The following MAST2 variants were observed in gnomAD, a reference collection of about 807,000 sequenced individuals.
MAST2 encodes the protein microtubule-associated serine/threonine-protein kinase 2.
In MAST2, 70 loss-of-function variants were observed where a neutral mutation model predicts 147.4. The observed-to-expected ratio is 0.47, with a 90% CI of 0.39 to 0.58. The LOEUF (loss-of-function observed/expected upper bound fraction) is 0.58, where lower values mean the gene tolerates loss of function less well. Ranked by LOEUF, MAST2 falls within the 20% of genes least tolerant of loss-of-function variation. The pLI is 0.00. For missense variants in MAST2, 2,080 were observed against 2,302.3 expected (o/e 0.90, Z 1.98); for synonymous variants, 869 against 896.8 (o/e 0.97, Z 0.55).
At chr1:45,989,476 G>A (rs1453437825) in intron 5 of MAST2, among the ~76,000 whole-genome samples, 2 of 152,010 alleles carry the variant, frequency 1.3e-5, no homozygotes, top group Non-Finnish European at 2.9e-5. Context: ...CAGTGATGTT[G>A]TTTCATACAT....
chr1:45,850,369 A>G (rs1645585736), intron 3 of MAST2, among the ~76,000 whole-genome samples: 1 of 152,188 alleles, frequency 6.6e-6, no homozygotes, highest in South Asian at 2.1e-4. Flanking sequence ...CATAGTTTGC[A>G]AATATTTTCT....
intron 7 of MAST2, 74 bp from the exon 8 acceptor site, chr1:46,006,165 ATT>A: frequency 7.0e-7 from 1 of 1,433,304 alleles, no homozygotes; most frequent in South Asian, 1.4e-5. Context: ...TTCCCTGACC[ATT>A]TTCAGTCCTT....
Position 46,030,211 on chromosome 1 carries a change from C to T in MAST2, c.2526C>T (p.Phe842=). 1 of 1,614,212 alleles carries T rather than the reference C, an allele frequency of 6.2e-7. No homozygotes were observed. The highest frequency in any genetic ancestry group is 8.5e-7 in the Non-Finnish European group (1 of 1,180,034). ...SEDGCLEIRQ[F]SSCSPRFNKV... The stretch of plus-strand genomic sequence containing the variant: ...ATGGCTGCCTTGAGATCCGCCAGTT[C>T]TCTTCCTGCTCTCCAAGGTTCAACA... Residue 842 remains phenylalanine (F), a synonymous_variant, in exon 21 of 29, where the codon TTC becomes TTT. Coordinates refer to ENST00000361297, the MANE Select transcript of MAST2 (RefSeq NM_015112.3).
intron 4 of MAST2, among the ~76,000 whole-genome samples, chr1:45,947,158 C>T (rs536817595): frequency 9.2e-5 from 14 of 152,126 alleles, no homozygotes; most frequent in South Asian, 6.2e-4. Flanking sequence ...TAATAATAGT[C>T]GCTGCTTCAT....
chr1:45,837,617 T>G (rs1172146163), intron 3 of MAST2, among the ~76,000 whole-genome samples: 1 of 152,178 alleles, frequency 6.6e-6, no homozygotes, highest in Non-Finnish European at 1.5e-5. Context: ...GGAATATGCT[T>G]TATTTCTCTC....
rs188179980 is a variant in MAST2, at chr1:45,819,051, C to T, written c.178-5382C>T. ...GGTGGATCACCAGAGTTCAGGAGTT[C>T]GAGACCAGCCTGACCAACATGGTGA... On this transcript the variant is annotated intron_variant, in intron 1 of 28. Coordinates refer to ENST00000361297, the MANE Select transcript of MAST2 (RefSeq NM_015112.3). 2.6e-3 allele frequency among the ~76,000 whole-genome samples: 389 copies of T among 152,016 alleles called. 8 individuals carry two copies. Among genetic ancestry groups the T allele is most frequent in the Admixed American group, 4.3e-3 (66 of 15,256 alleles).
chr1:45,973,397 T>C (rs746583504), intron 5 of MAST2, among the ~76,000 whole-genome samples: 35 of 152,300 alleles, frequency 2.3e-4, no homozygotes, highest in Non-Finnish European at 2.9e-4. Context: ...TTGTGTCATC[T>C]AGAAACCCCA....
intron 10 of MAST2, among the ~76,000 whole-genome samples, chr1:46,015,562 C>G (rs1645900330): frequency 6.6e-6 from 1 of 152,206 alleles, no homozygotes; most frequent in Non-Finnish European, 1.5e-5. Context: ...CGCAAATAAA[C>G]TAGAAAATCT....
intron 3 of MAST2, among the ~76,000 whole-genome samples, chr1:45,843,650 T>C (rs1469831391): frequency 6.6e-6 from 1 of 152,120 alleles, no homozygotes; most frequent in Non-Finnish European, 1.5e-5. Context: ...TGTGAAAGGA[T>C]AGATAATGTT....
chr1:45,826,931 C>T (rs1203465232), intron 2 of MAST2, among the ~76,000 whole-genome samples: 1 of 152,050 alleles, frequency 6.6e-6, no homozygotes, highest in Non-Finnish European at 1.5e-5. Context: ...CTGGTTCAAG[C>T]GATTCTCCTG....
rs143018504 is a variant in MAST2, at chr1:45,942,928, T to C, written c.501-16458T>C. Among the ~76,000 whole-genome samples, 5 of 152,298 alleles carry C rather than the reference T, an allele frequency of 3.3e-5. No individual in the cohort carries two copies. The East Asian group carries it at 9.6e-4, about 29-fold the overall frequency. ...TGTCTTTAGCCAAAGTGGCATACTTTAGGATAACATTTCCTGGTCCCCTTT... is the reference window on the plus strand; with the variant it reads ...TGTCTTTAGCCAAAGTGGCATACTTCAGGATAACATTTCCTGGTCCCCTTT... On this transcript the variant is annotated intron_variant, in intron 4 of 28. Coordinates refer to ENST00000361297, the MANE Select transcript of MAST2 (RefSeq NM_015112.3).
At chr1:45,978,347 G>A (rs961650052) in intron 5 of MAST2, among the ~76,000 whole-genome samples, 20 of 151,958 alleles carry the variant, frequency 1.3e-4, no homozygotes, top group African/African-American at 4.8e-4. Flanking sequence ...AACCTTGTCC[G>A]TACTAAAAAT....
chr1:45,844,265 AATTTTT>A (rs1374376484), intron 3 of MAST2, among the ~76,000 whole-genome samples: 2 of 151,550 alleles, frequency 1.3e-5, no homozygotes, highest in Admixed American at 1.3e-4. Flanking sequence ...ATGCCTGGCT[AATTTTT>A]ATTTTTATTT....
chr1:45,884,481 G>A (rs1399102435), intron 4 of MAST2, among the ~76,000 whole-genome samples: 2 of 152,196 alleles, frequency 1.3e-5, no homozygotes, highest in African/African-American at 2.4e-5. Flanking sequence ...GAATCCAGGA[G>A]ACGGAGGTTG....
chr1:46,030,721 A>G lies in MAST2; in HGVS notation c.2668A>G (p.Lys890Glu). 6.3e-7 allele frequency: 1 copy of G among 1,599,962 alleles called. No individual in the cohort carries two copies. Among genetic ancestry groups the G allele is most frequent in the Non-Finnish European group, 8.5e-7 (1 of 1,175,356 alleles). Residue 890 changes from lysine to glutamate, a missense_variant, in exon 22 of 29, where the codon AAA becomes GAA. This residue lies in a region of MAST2 where 1,278 missense variants were observed against 1,304.2 expected (regional missense o/e 0.98). Transcript: ENST00000361297. ...EDHSDGLAGL[K>E]GRDRSWVIGS... ...CCATTCAGATGGCCTGGCAGGGCTCAAAGGCCGAGACCGGAGCTGGGTGAT... is the reference window on the plus strand; with the variant it reads ...CCATTCAGATGGCCTGGCAGGGCTCGAAGGCCGAGACCGGAGCTGGGTGAT...
At chr1:45,935,258 TGTTCA>T (rs1016495491) in intron 4 of MAST2, among the ~76,000 whole-genome samples, 1 of 152,182 alleles carries the variant, frequency 6.6e-6, no homozygotes, top group African/African-American at 2.4e-5. Context: ...GTTTTTTGCT[TGTTCA>T]GTTAAGGTTT....
chr1:46,005,121 G>A (rs754269921), intron 7 of MAST2, among the ~76,000 whole-genome samples: 1 of 152,216 alleles, frequency 6.6e-6, no homozygotes, highest in Non-Finnish European at 1.5e-5. Context: ...CCAGCACTTT[G>A]GGAGGCCAAG....
chr1:45,809,986 T>C (rs1644244966), intron 1 of MAST2, among the ~76,000 whole-genome samples: 1 of 152,278 alleles, frequency 6.6e-6, no homozygotes, highest in African/African-American at 2.4e-5. Context: ...ATCAGTGTTT[T>C]AGCACTTTCA....
At chr1:45,987,223 T>C (rs1383675698) in intron 5 of MAST2, among the ~76,000 whole-genome samples, 1 of 152,240 alleles carries the variant, frequency 6.6e-6, no homozygotes, top group Non-Finnish European at 1.5e-5. Flanking sequence ...TTTCTCATTC[T>C]TGATGTTGGT....
Sources: allele counts gnomAD v4.1 joint callset (sites outside exome capture counted in the v4.1 genomes callset), GRCh38; gene constraint gnomAD v4.1.1; regional missense constraint gnomAD v4.1.1; transcripts MANE v1.5; gene names NCBI Gene and HGNC (gene_info 2026-07-23, HGNC 2026-07-21).